DHX29: variants seen among roughly 807,000 people sequenced by gnomAD.
DHX29 encodes the protein ATP-dependent RNA helicase DHX29.
A neutral mutation model predicts 167.9 loss-of-function variants in DHX29; 79 were observed. The ratio of observed to expected loss-of-function variants is 0.47; its 90% confidence interval spans 0.39 to 0.57. The LOEUF (loss-of-function observed/expected upper bound fraction) is 0.57, where lower values mean the gene tolerates loss of function less well. DHX29 is among the 20% of genes least tolerant of loss of function. The pLI, the probability that DHX29 is intolerant of heterozygous loss-of-function variation, is 0.00. For synonymous variants in DHX29, 530 were observed against 546.0 expected, an observed-to-expected ratio of 0.97 and a Z score of 0.41; for missense variants, 1,347 against 1,593.4, an observed-to-expected ratio of 0.85 and a Z score of 2.63.
At chr5:55,306,956 G>A (rs1035194329) in intron 1 of DHX29, among the ~76,000 whole-genome samples, 5 of 152,104 alleles carry the variant, frequency 3.3e-5, no homozygotes, top group African/African-American at 1.2e-4. Context: ...TTTCCAGAAC[G>A]CATGGAGACA....
chr5:55,293,965 A>T, intron 6 of DHX29, 52 bp downstream of exon 6: 2 of 1,564,116 alleles, frequency 1.3e-6, no homozygotes, highest in Non-Finnish European at 1.7e-6. Flanking sequence ...AAAAGGAAAT[A>T]TATCTTGCTT....
chr5:55,294,650 G>A (rs2111953244), intron 5 of DHX29, among the ~76,000 whole-genome samples: 2 of 152,344 alleles, frequency 1.3e-5, no homozygotes, highest in Admixed American at 1.3e-4. Flanking sequence ...ATTCACTCCA[G>A]CCTGGGCAAC....
intron 23 of DHX29, 127 bp from the exon 24 acceptor site, chr5:55,263,059 T>C (rs1054959033): frequency 4.2e-5 from 29 of 688,646 alleles, no homozygotes; most frequent in Middle Eastern, 3.9e-4. Flanking sequence ...TGGCTAACGA[T>C]AGCCCAAATT....
At chr5:55,267,980 A>C (rs1746667314) in intron 21 of DHX29, among the ~76,000 whole-genome samples, 158 bp from the exon 22 acceptor site, 1 of 152,166 alleles carries the variant, frequency 6.6e-6, no homozygotes. Flanking sequence ...TATACTAATT[A>C]ATGTTTAATA....
At position 55,307,525 on chromosome 5, in the gene DHX29, G is replaced by A. The variant is rs1748944970; in HGVS notation, c.49C>T (p.Arg17Trp). 1.2e-6 allele frequency: 2 copies of A among 1,613,472 alleles called. No individual in the cohort carries two copies. Among genetic ancestry groups the A allele is most frequent in the South Asian group, 1.1e-5 (1 of 91,084 alleles). ...GCTCTGGAAGCAGACACGGCGGCCC[G>A]GACCACCGCGGCCGCTGGAGCCTTG... ...KHKAPAAAVV[R>W]AAVSASRAKS... Residue 17 changes from arginine to tryptophan, a missense_variant, in exon 1 of 27, where the codon CGG becomes TGG. By Grantham distance (101) the Arg-to-Trp change is moderately radical. Coordinates refer to ENST00000251636, the MANE Select transcript of DHX29 (RefSeq NM_019030.4).
chr5:55,293,423 T>C (rs976145940), intron 6 of DHX29, among the ~76,000 whole-genome samples: 4 of 152,246 alleles, frequency 2.6e-5, no homozygotes, highest in African/African-American at 9.6e-5. Context: ...AGTATTCCAG[T>C]TGTTCCACAT....
At chr5:55,263,836 A>T (rs1331783212) in intron 23 of DHX29, among the ~76,000 whole-genome samples, 3 of 149,882 alleles carry the variant, frequency 2.0e-5, no homozygotes, top group Admixed American at 1.3e-4. Context: ...TTCGAGAAGG[A>T]CAAAGTTCAT....
intron 1 of DHX29, among the ~76,000 whole-genome samples, chr5:55,303,034 C>T (rs1441497201): frequency 1.3e-5 from 2 of 151,978 alleles, no homozygotes; most frequent in Admixed American, 6.6e-5. Context: ...ACATATATAG[C>T]TGGCTCTCAA....
In DHX29 at chr5:55,261,455, G is replaced by T. The variant is rs1052132; in HGVS notation, c.3873C>A (p.Thr1291=). Residue 1291 remains threonine, a synonymous_variant, in exon 25 of 27, where the codon ACC becomes ACA. Coordinates refer to ENST00000251636, the MANE Select transcript of DHX29 (RefSeq NM_019030.4). The part of the protein sequence containing the change: ...RVYLRETTLI[T]PFPVLLFGGD... The stretch of plus-strand genomic sequence containing the variant: ...CACCAAAAAGTAAAACTGGAAAAGG[G>T]GTTATTAGGGTAGTTTCTCTCAAAT... 2.5e-6 allele frequency: 4 copies of T among 1,570,684 alleles called. No individual in the cohort carries two copies. Among genetic ancestry groups the T allele is most frequent in the Non-Finnish European group, 1.8e-6 (2 of 1,141,400 alleles).
chr5:55,272,035 C>G, intron 18 of DHX29, 52 bp downstream of exon 18: 1 of 1,065,330 alleles, frequency 9.4e-7, no homozygotes, highest in Non-Finnish European at 1.4e-6. Flanking sequence ...ATTCAAGAGC[C>G]CCAACCTCTT....
intron 26 of DHX29, among the ~76,000 whole-genome samples, chr5:55,257,449 T>G (rs962962171): frequency 2.0e-5 from 3 of 152,168 alleles, no homozygotes; most frequent in Admixed American, 6.5e-5. Context: ...TTTTAAGAGA[T>G]GGAGTCTCAC....
At position 55,295,438 on chromosome 5, in the gene DHX29, T is replaced by C. The variant is rs1748265175; in HGVS notation, c.592A>G (p.Thr198Ala). The C allele has an allele frequency of 6.2e-7, 1 of 1,613,754 alleles. No homozygotes were observed. The highest frequency in any genetic ancestry group is 8.5e-7 in the Non-Finnish European group (1 of 1,179,694). ...TTAGGTTGCAATGGAGGTGAAATAG[T>C]GGCTTGTATTTGAGGAGACTGAAAT... The part of the protein sequence containing the change: ...PKFQSPQIQA[T>A]ISPPLQPKTK... The change falls in exon 5 of 27, where the codon ACT becomes GCT. Residue 198 changes from threonine (T) to alanine (A), a missense_variant. Around this residue, in one of 3 missense-constraint regions of DHX29, gnomAD observed 405 missense variants for 416.8 expected, o/e 0.97. Coordinates refer to ENST00000251636, the MANE Select transcript of DHX29 (RefSeq NM_019030.4).
At chr5:55,294,299 T>C (rs1748195796) in intron 5 of DHX29, among the ~76,000 whole-genome samples, 154 bp from the exon 6 acceptor site, 1 of 152,206 alleles carries the variant, frequency 6.6e-6, no homozygotes, top group African/African-American at 2.4e-5. Context: ...AAATTGACCT[T>C]AACATTAAGA....
intron 26 of DHX29, among the ~76,000 whole-genome samples, chr5:55,258,049 T>C (rs1023777375): frequency 3.9e-5 from 6 of 152,204 alleles, no homozygotes; most frequent in Non-Finnish European, 8.8e-5. Context: ...TTCAGGGTAG[T>C]AGAACTAGAT....
At chr5:55,271,945 A>G (rs1327969675) in intron 18 of DHX29, 142 bp downstream of exon 18, 5 of 476,148 alleles carry the variant, frequency 1.1e-5, no homozygotes, top group South Asian at 4.9e-5. Context: ...AGTTTCCTAT[A>G]GTTTCTCTAA....
At chr5:55,304,309 C>CTTTTTTT (rs397882409) in intron 1 of DHX29, among the ~76,000 whole-genome samples, 1 of 112,664 alleles carries the variant, frequency 8.9e-6, no homozygotes. Context: ...TCAAATGTCA[C>CTTTTTTT]TTTTTTTTTT....
intron 5 of DHX29, among the ~76,000 whole-genome samples, chr5:55,294,354 T>TA (rs1441119147): frequency 6.6e-6 from 1 of 152,052 alleles, no homozygotes; most frequent in Non-Finnish European, 1.5e-5. Flanking sequence ...CATAAAGCGG[T>TA]AAAAAAGAAT....
chr5:55,290,433 G>T, intron 6 of DHX29, 89 bp from the exon 7 acceptor site: 3 of 1,393,438 alleles, frequency 2.2e-6, no homozygotes, highest in South Asian at 1.6e-5. Flanking sequence ...CAAAATCTGT[G>T]ATATTTTTAC....
chr5:55,290,180 A>G (rs760574318), intron 7 of DHX29, 38 bp downstream of exon 7: 1 of 1,584,336 alleles, frequency 6.3e-7, no homozygotes, highest in East Asian at 2.2e-5. Context: ...AATAGAAGAC[A>G]ATTACATTTA....
Sources: allele counts gnomAD v4.1 joint callset (sites outside exome capture counted in the v4.1 genomes callset), GRCh38; gene constraint gnomAD v4.1.1; regional missense constraint gnomAD v4.1.1; transcripts MANE v1.5; gene names NCBI Gene and HGNC (gene_info 2026-07-23, HGNC 2026-07-21).